Variants in LARGE1 observed in about 807,000 individuals in gnomAD.
The protein encoded by LARGE1 is LARGE xylosyl- and glucuronyltransferase 1, also known as xylosyl- and glucuronyltransferase LARGE1.
LARGE1 carries 43 observed loss-of-function variants against 87.6 expected under a neutral mutation model. The observed-to-expected ratio is 0.49, with a 90% CI of 0.38 to 0.63. The LOEUF is 0.63. LARGE1 is among the 30% of genes least tolerant of loss of function. LARGE1 has a pLI of 0.00. For missense variants in LARGE1, 802 were observed against 1,000.2 expected (o/e 0.80, Z 2.67); for synonymous variants, 434 against 394.6 (o/e 1.10, Z -1.18).
At chr22:33,511,585 G>A (rs548216810) in intron 6 of LARGE1, among the ~76,000 whole-genome samples, 1 of 152,278 alleles carries the variant, frequency 6.6e-6, no homozygotes, top group Non-Finnish European at 1.5e-5. Flanking sequence ...CAGCTGTGAT[G>A]TTTGCAGACC....
chr22:33,766,964 A>G (rs2084926885), intron 1 of LARGE1, among the ~76,000 whole-genome samples: 1 of 67,794 alleles, frequency 1.5e-5, no homozygotes, highest in Admixed American at 1.9e-4. Flanking sequence ...ATATATATAT[A>G]TATACTTCCT....
chr22:33,613,687 G>T (rs1229297151), intron 4 of LARGE1, among the ~76,000 whole-genome samples: 2 of 152,112 alleles, frequency 1.3e-5, no homozygotes, highest in African/African-American at 2.4e-5. Context: ...ATGATTTGTG[G>T]AGTGTTTGTC....
chr22:33,873,469 C>A (rs117451620), intron 1 of LARGE1: 2,666 of 152,460 alleles, frequency 0.017, 27 homozygotes, highest in Non-Finnish European at 0.027. Context: ...GCTCCTGGGG[C>A]CTTCCGGGAA....
At chr22:33,818,119 T>A (rs540606369) in intron 1 of LARGE1, among the ~76,000 whole-genome samples, 1 of 152,290 alleles carries the variant, frequency 6.6e-6, no homozygotes, top group Admixed American at 6.5e-5. Flanking sequence ...TCTCCACCCT[T>A]GGATTAGGCA....
chr22:33,364,478 C>T (rs187005864), intron 9 of LARGE1, among the ~76,000 whole-genome samples: 460 of 152,300 alleles, frequency 3.0e-3, no homozygotes, highest in Non-Finnish European at 5.2e-3. Flanking sequence ...AACAGCCTCT[C>T]CTTACTCGGG....
chr22:33,768,617 C>G (rs569592234), intron 1 of LARGE1, among the ~76,000 whole-genome samples: 3 of 152,260 alleles, frequency 2.0e-5, no homozygotes, highest in Non-Finnish European at 4.4e-5. Context: ...CAGGAGTCAG[C>G]AGCACACTCC....
At chr22:33,339,162 A>T (rs528304432) in intron 9 of LARGE1, among the ~76,000 whole-genome samples, 21 of 151,580 alleles carry the variant, frequency 1.4e-4, no homozygotes, top group East Asian at 3.9e-4. Context: ...AATAAAAAAA[A>T]AAAAAAAAAA....
chr22:33,602,396 T>C (rs2079135991), intron 5 of LARGE1, among the ~76,000 whole-genome samples: 1 of 152,146 alleles, frequency 6.6e-6, no homozygotes, highest in African/African-American at 2.4e-5. Flanking sequence ...ACTACAATTG[T>C]ACCACATGCC....
At chr22:33,280,981 C>T (rs1228923820) in intron 13 of LARGE1, among the ~76,000 whole-genome samples, 1 of 152,192 alleles carries the variant, frequency 6.6e-6, no homozygotes, top group African/African-American at 2.4e-5. Context: ...GGAGCCACCG[C>T]CCTAGAGGAC....
intron 1 of LARGE1, among the ~76,000 whole-genome samples, chr22:33,828,201 C>T (rs985452251): frequency 6.6e-6 from 1 of 152,224 alleles, no homozygotes; most frequent in East Asian, 1.9e-4. Flanking sequence ...AATTCACATA[C>T]CAAGGGAGTA....
intron 6 of LARGE1, among the ~76,000 whole-genome samples, chr22:33,551,843 A>C (rs1019937542): frequency 6.6e-6 from 1 of 151,916 alleles, no homozygotes; most frequent in Non-Finnish European, 1.5e-5. Context: ...ATACAAAAAA[A>C]TTTAGCCGGG....
chr22:33,553,750 C>A (rs2077596330), intron 6 of LARGE1, among the ~76,000 whole-genome samples: 1 of 152,116 alleles, frequency 6.6e-6, no homozygotes, highest in African/African-American at 2.4e-5. Context: ...TGCAAAGCAA[C>A]CCCAAGGAAG....
At chr22:33,535,265 C>T (rs1247485663) in intron 6 of LARGE1, among the ~76,000 whole-genome samples, 1 of 152,170 alleles carries the variant, frequency 6.6e-6, no homozygotes, top group African/African-American at 2.4e-5. Context: ...TCCAGCAGGC[C>T]AGGCGCGGTG....
chr22:33,640,963 G>A (rs749738349), intron 3 of LARGE1, among the ~76,000 whole-genome samples: 13 of 152,180 alleles, frequency 8.5e-5, no homozygotes, highest in Non-Finnish European at 1.3e-4. Flanking sequence ...CAGAGCACCT[G>A]GGGCAAAAGG....
chr22:33,121,117 C>T, the LARGE1 span, among the ~76,000 whole-genome samples: 1 of 145,898 alleles, frequency 6.9e-6, no homozygotes, highest in African/African-American at 2.4e-5. Flanking sequence ...GCCTCTAGGA[C>T]CCCCTGTATT....
At chr22:33,782,854 ACT>A (rs1371750997) in intron 1 of LARGE1, among the ~76,000 whole-genome samples, 1 of 146,134 alleles carries the variant, frequency 6.8e-6, no homozygotes, top group Non-Finnish European at 1.5e-5. Flanking sequence ...ACAGAGTGAG[ACT>A]CTGTCTCCAA....
At chr22:33,536,284 A>G (rs887688861) in intron 6 of LARGE1, among the ~76,000 whole-genome samples, 2 of 152,218 alleles carry the variant, frequency 1.3e-5, no homozygotes, top group African/African-American at 4.8e-5. Flanking sequence ...TTAAGTAGAT[A>G]TGAAAAATCA....
At chr22:33,624,655 C>G (rs1342886809) in intron 4 of LARGE1, among the ~76,000 whole-genome samples, 1 of 152,164 alleles carries the variant, frequency 6.6e-6, no homozygotes, top group Non-Finnish European at 1.5e-5. Flanking sequence ...ACAGAAAGCA[C>G]TATGGAGATC....
At chr22:33,442,090 A>T (rs908584734) in intron 6 of LARGE1, among the ~76,000 whole-genome samples, 1 of 152,218 alleles carries the variant, frequency 6.6e-6, no homozygotes, top group African/African-American at 2.4e-5. Flanking sequence ...GTTAGGCTGA[A>T]TAAGTGAAGA....
Sources: allele counts gnomAD v4.1 joint callset (sites outside exome capture counted in the v4.1 genomes callset), GRCh38; gene constraint gnomAD v4.1.1; transcripts MANE v1.5; gene names NCBI Gene and HGNC (gene_info 2026-07-23, HGNC 2026-07-21).